The following PRDM15 variants were observed in gnomAD, a reference collection of about 807,000 sequenced individuals.
PRDM15 encodes the protein PR/SET domain 15.
In PRDM15, 64 loss-of-function variants were observed where a neutral mutation model predicts 128.6. The observed-to-expected ratio is 0.50, with a 90% confidence interval of 0.41 to 0.61. The LOEUF (loss-of-function observed/expected upper bound fraction) is 0.61, where lower values mean the gene tolerates loss of function less well. Ranked by LOEUF, PRDM15 falls within the 20% of genes least tolerant of loss-of-function variation. PRDM15 has a pLI of 0.00. For synonymous variants in PRDM15, 615 were observed against 621.8 expected (o/e 0.99, Z 0.16); for missense variants, 1,242 against 1,569.1 (o/e 0.79, Z 3.52).
chr21:41,807,341 T>C (rs546251421), intron 21 of PRDM15, among the ~76,000 whole-genome samples: 129 of 152,312 alleles, frequency 8.5e-4, no homozygotes, highest in Middle Eastern at 3.4e-3. Context: ...GTTTAACTAG[T>C]CCAACAGTTA....
intron 18 of PRDM15, 116 bp downstream of exon 18, chr21:41,819,466 G>A (rs746454989): frequency 4.1e-5 from 5 of 122,484 alleles, no homozygotes; most frequent in Admixed American, 1.0e-4. Flanking sequence ...CCCGGCCCCC[G>A]CCCCCGCCAC....
intron 1 of PRDM15, among the ~76,000 whole-genome samples, chr21:41,864,093 C>T (rs1601454988): frequency 1.3e-5 from 2 of 152,136 alleles, no homozygotes; most frequent in African/African-American, 2.4e-5. Flanking sequence ...CTGCCCACCT[C>T]GGCCTCCCAA....
chr21:41,819,452 T>TGGCCCC (rs2062169482), intron 18 of PRDM15, 130 bp downstream of exon 18: 1 of 880,590 alleles, frequency 1.1e-6, no homozygotes, highest in African/African-American at 1.9e-5. Flanking sequence ...ACTCGGCCCG[T>TGGCCCC]GGCCCCGGCC....
chr21:41,801,099 G>C lies in PRDM15; in HGVS notation c.*141C>G. On this transcript the variant is annotated 3_prime_UTR_variant, in exon 24 of 24. Transcript: ENST00000398548. Reference sequence around the variant, plus strand: ...CAGACCGTAATGGTTGCTGGCGGGGGATCTGGAGATACTCTGCAAAGCTAA... The same window carrying C: ...CAGACCGTAATGGTTGCTGGCGGGGCATCTGGAGATACTCTGCAAAGCTAA... The C allele has an allele frequency of 2.5e-6, 3 of 1,217,166 alleles. No individual in the cohort carries two copies. The highest frequency in any genetic ancestry group is 3.4e-6 in the Non-Finnish European group (3 of 887,834). 75.4% of individuals were successfully genotyped at this position (1,217,166 alleles called of 1,614,324 possible).
chr21:41,804,637 G>A, intron 21 of PRDM15, 23 bp from the exon 22 acceptor site: 1 of 1,531,286 alleles, frequency 6.5e-7, no homozygotes, highest in South Asian at 1.2e-5. Context: ...CAGGGCATGA[G>A]CTGGGGGTCA....
intron 21 of PRDM15, among the ~76,000 whole-genome samples, chr21:41,805,690 C>T (rs1460801823): frequency 6.6e-6 from 1 of 151,984 alleles, no homozygotes. Flanking sequence ...GCTGTGGACG[C>T]ACTCTCTACC....
chr21:41,826,171 A>T (rs1241192904), intron 12 of PRDM15, 117 bp from the exon 13 acceptor site: 1 of 762,780 alleles, frequency 1.3e-6, no homozygotes, highest in Non-Finnish European at 2.2e-6. Context: ...GGCTGCCCAC[A>T]GTGGGGACAG....
Position 41,854,633 on chromosome 21 carries a change from C to T in PRDM15, c.471G>A (p.Trp157Ter). 1 of 1,613,814 alleles carries T rather than the reference C, an allele frequency of 6.2e-7. No homozygotes were observed. Among genetic ancestry groups the T allele is most frequent in the Non-Finnish European group, 8.5e-7 (1 of 1,179,984 alleles). ...TCTTCTTGGCATAGAAGGCCGCATA[C>T]CACACGCGCAGCTCGGTACCCGGGG... is the stretch of plus-strand genomic sequence containing the variant. ...DIPPGTELRV[W>*]YAAFYAKKMD... Residue 157 changes from tryptophan (W) to a stop codon, truncating the protein, a stop_gained, in exon 5 of 24, where the codon TGG becomes TGA. Coordinates refer to ENST00000398548, the MANE Select transcript of PRDM15 (RefSeq NM_001040424.3). LOFTEE classifies it high-confidence loss of function. The surrounding 1 kb of genome is among the most constrained non-coding windows in gnomAD (Gnocchi z 4.6).
chr21:41,798,245 A>G lies in PRDM15; in HGVS notation c.*2995T>C, dbSNP rs1215324025. On this transcript the variant is annotated 3_prime_UTR_variant, in exon 24 of 24. Coordinates refer to ENST00000398548, the MANE Select transcript of PRDM15 (RefSeq NM_001040424.3). ...AGCAATTGAAAACACGGGTCACAGC[A>G]CCTTTTATTCGTCATCATACAACCT... The G allele has an allele frequency of 6.6e-6, 1 of 152,086 alleles. No individual in the cohort carries two copies. The highest frequency in any genetic ancestry group is 1.5e-5 in the Non-Finnish European group (1 of 68,020). 9.4% of individuals were successfully genotyped at this position (152,086 alleles called of 1,614,324 possible). A position where few individuals can be genotyped will look rare whatever the true frequency, so the allele number is the denominator to read the frequency against.
Position 41,835,621 on chromosome 21 carries a change from C to T in PRDM15, c.1279-97G>A, listed in dbSNP as rs2146568757. On this transcript the variant is annotated intron_variant, in intron 10 of 23. Coordinates refer to ENST00000398548, the MANE Select transcript of PRDM15 (RefSeq NM_001040424.3). ...TGCCCGGGCGACTCCACGCCTGTGTCTGTTATGACTCTGACCTCCACCACC... is the reference window on the plus strand; with the variant it reads ...TGCCCGGGCGACTCCACGCCTGTGTTTGTTATGACTCTGACCTCCACCACC... 6.9e-6 allele frequency: 6 copies of T among 870,346 alleles called. No individual in the cohort carries two copies. In the South Asian group the frequency reaches 8.3e-5, roughly 12 times the overall value. 53.9% of individuals were successfully genotyped at this position (870,346 alleles called of 1,614,324 possible).
intron 18 of PRDM15, 112 bp downstream of exon 18, chr21:41,819,470 C>A: frequency 1.5e-6 from 1 of 686,500 alleles, no homozygotes; most frequent in Non-Finnish European, 2.2e-6. Flanking sequence ...GCCCCCGCCC[C>A]CGCCACACCC....
At chr21:41,842,549 T>C (rs1241724724) in intron 6 of PRDM15, among the ~76,000 whole-genome samples, 3 of 152,182 alleles carry the variant, frequency 2.0e-5, no homozygotes, top group African/African-American at 4.8e-5. Flanking sequence ...TGGAGTGCAG[T>C]GTGCGATCTC....
rs1184609383 is a variant in PRDM15 at position 41,798,349 on chromosome 21, G to GC, written c.*2890dup. 2 of 152,168 alleles carry GC rather than the reference G, an allele frequency of 1.3e-5. No homozygotes were observed. The highest frequency in any genetic ancestry group is 4.8e-5 in the African/African-American group (2 of 41,428). The allele number at this position is 152,168 out of a possible 1,614,324, so 9.4% of individuals were successfully genotyped here. A position where few individuals can be genotyped will look rare whatever the true frequency, so the allele number is the denominator to read the frequency against. On this transcript the variant is annotated 3_prime_UTR_variant, in exon 24 of 24. Coordinates refer to ENST00000398548, the MANE Select transcript of PRDM15 (RefSeq NM_001040424.3). ...ATCCAATGGGAAAGCCCAAGACGCC[G>GC]CCTCTAGTGGGGAAGCCATGAGCCT...
Position 41,879,091 on chromosome 21 carries a change from A to G in PRDM15, c.-10+179T>C, listed in dbSNP as rs1350955164. ...TCGCCAACGGTGCCCGCAGCCGGCG[A>G]ATGTAACAAAGAACAGTCGGCATGG... On this transcript the variant is annotated intron_variant, in intron 1 of 23. Coordinates refer to ENST00000398548, the MANE Select transcript of PRDM15 (RefSeq NM_001040424.3). This position sits in a 1 kb window ranked among gnomAD's most constrained non-coding sequence, Gnocchi z 5.1. 2.7e-6 allele frequency: 3 copies of G among 1,126,984 alleles called. No individual in the cohort carries two copies. The highest frequency in any genetic ancestry group is 6.9e-5 in the Admixed American group (2 of 29,034). 69.8% of individuals were successfully genotyped at this position (1,126,984 alleles called of 1,614,324 possible).
chr21:41,804,405 A>C (rs963320319), intron 22 of PRDM15, 129 bp downstream of exon 22: 49 of 692,996 alleles, frequency 7.1e-5, no homozygotes, highest in Non-Finnish European at 1.2e-4. Flanking sequence ...AAGCCAAGAA[A>C]ACAGGGTAAC....
rs2061813031 is a variant in PRDM15, at chr21:41,810,079, G to A, written c.2652+75C>T. 13 of 1,452,584 alleles carry A rather than the reference G, an allele frequency of 8.9e-6. No individual in the cohort carries two copies. The highest frequency in any genetic ancestry group is 3.8e-5 in the South Asian group (3 of 79,710). 90.0% of individuals were successfully genotyped at this position (1,452,584 alleles called of 1,614,324 possible). On this transcript the variant is annotated intron_variant, in intron 21 of 23. Coordinates refer to ENST00000398548, the MANE Select transcript of PRDM15 (RefSeq NM_001040424.3). The surrounding 1 kb of genome is among the most constrained non-coding windows in gnomAD (Gnocchi z 6.4). ...ACTGGGGGTCTGCAGAGGGAGGTGG[G>A]CCATGTGCCAGCATGGGGGTGTCCG...
At chr21:41,871,998 T>C (rs1238691995) in intron 1 of PRDM15, 1 of 166,718 alleles carries the variant, frequency 6.0e-6, no homozygotes, top group Non-Finnish European at 1.3e-5. Context: ...TTTCCAAGTC[T>C]TTCTTTTTGT....
chr21:41,847,180 G>C lies in PRDM15; in HGVS notation c.550C>G (p.Pro184Ala). 6.4e-7 allele frequency: 1 copy of C among 1,552,442 alleles called. No homozygotes were observed. Among genetic ancestry groups the C allele is most frequent in the Non-Finnish European group, 8.7e-7 (1 of 1,147,160 alleles). Residue 184 changes from proline (P) to alanine (A), a missense_variant, in exon 6 of 24, where the codon CCA (proline) becomes GCA (alanine). Coordinates refer to ENST00000398548, the MANE Select transcript of PRDM15 (RefSeq NM_001040424.3). ...GACTCCACGGGGGCGCTGTTTTCTG[G>C]GGTGCCTGCAGCTTCAAAAGACATG... ...AGSGVHAAGT[P>A]ENSAPVESEP...
At chr21:41,830,826 C>T (rs1040969673) in intron 11 of PRDM15, among the ~76,000 whole-genome samples, 5 of 152,210 alleles carry the variant, frequency 3.3e-5, no homozygotes, top group Admixed American at 1.3e-4. Flanking sequence ...ACTGTGGTTT[C>T]GGCTCCGCCC....
Sources: gnomAD v4.1 joint callset for allele counts (sites outside exome capture counted in the v4.1 genomes callset) on GRCh38, gnomAD v4.1.1 for gene constraint, Gnocchi (gnomAD v3.1) non-coding constraint, MANE v1.5 for transcripts, NCBI Gene and HGNC (gene_info 2026-07-23, HGNC 2026-07-21) for gene names.